KIAA1217: variants seen among roughly 807,000 people sequenced by gnomAD.
KIAA1217 encodes the protein sickle tail protein homolog.
A neutral mutation model predicts 163.9 loss-of-function variants in KIAA1217; 88 were observed. The observed-to-expected ratio is 0.54, with a 90% CI of 0.45 to 0.64. The LOEUF (loss-of-function observed/expected upper bound fraction) is 0.64, where lower values mean the gene tolerates loss of function less well. Among genes scored for constraint, KIAA1217 ranks in the 30% least tolerant of loss-of-function variants. KIAA1217 has a pLI of 0.00. For synonymous variants in KIAA1217, 903 were observed against 923.1 expected, an observed-to-expected ratio of 0.98 and a Z score of 0.39; for missense variants, 2,372 against 2,475.0, an observed-to-expected ratio of 0.96 and a Z score of 0.88.
chr10:24,445,694 T>C (rs1473057821), intron 5 of KIAA1217, among the ~76,000 whole-genome samples: 1 of 151,912 alleles, frequency 6.6e-6, no homozygotes, highest in Non-Finnish European at 1.5e-5. Context: ...TCCATGTCCC[T>C]ACAAAGGACA....
chr10:23,721,801 C>T (rs1837885073), intron 1 of KIAA1217, among the ~76,000 whole-genome samples: 1 of 152,042 alleles, frequency 6.6e-6, no homozygotes, highest in African/African-American at 2.4e-5. Flanking sequence ...ATGCCTGAAG[C>T]TCAGAAAGTG....
intron 2 of KIAA1217, among the ~76,000 whole-genome samples, chr10:24,037,640 T>C (rs1307408431): frequency 2.0e-5 from 3 of 152,196 alleles, no homozygotes; most frequent in African/African-American, 7.2e-5. Flanking sequence ...AGGAGACAGA[T>C]TGTCTATTCC....
intron 2 of KIAA1217, among the ~76,000 whole-genome samples, chr10:24,341,477 T>C (rs527677028): frequency 1.3e-5 from 2 of 152,356 alleles, no homozygotes; most frequent in South Asian, 2.1e-4. Context: ...TTTCTTTTCA[T>C]TGGAGACTTG....
intron 1 of KIAA1217, among the ~76,000 whole-genome samples, chr10:23,762,180 T>C (rs1395217713): frequency 6.6e-6 from 1 of 152,188 alleles, no homozygotes; most frequent in Non-Finnish European, 1.5e-5. Flanking sequence ...AGCTGAATTC[T>C]ACCAGAAATA....
At chr10:24,369,791 T>A (rs2051316865) in intron 2 of KIAA1217, among the ~76,000 whole-genome samples, 1 of 152,214 alleles carries the variant, frequency 6.6e-6, no homozygotes, top group Non-Finnish European at 1.5e-5. Context: ...TAAAGTGCAT[T>A]CCTGACTTTC....
At position 23,793,159 on chromosome 10, in the gene KIAA1217, G is replaced by A. The variant is rs966536764; in HGVS notation, c.-321+97925G>A. On this transcript the variant is annotated intron_variant, in intron 1 of 18. Coordinates refer to the KIAA1217 transcript ENST00000376462. The stretch of plus-strand genomic sequence containing the variant: ...TCTTCTATTGATTAGGAATGTGCGC[G>A]CTTCAGTCCCGTTCCTGTGTATGTT... Among the ~76,000 whole-genome samples, 16 of 152,136 alleles carry A rather than the reference G, an allele frequency of 1.1e-4. No individual in the cohort carries two copies. The South Asian group carries it at 2.5e-3, about 24-fold the overall frequency.
At chr10:24,122,154 C>A (rs1026474079) in intron 2 of KIAA1217, among the ~76,000 whole-genome samples, 3 of 152,032 alleles carry the variant, frequency 2.0e-5, no homozygotes, top group Non-Finnish European at 4.4e-5. Flanking sequence ...CCCTTCCCCC[C>A]ACCCTTTTGG....
At chr10:24,238,188 G>A (rs1012005098) in intron 2 of KIAA1217, among the ~76,000 whole-genome samples, 2 of 152,302 alleles carry the variant, frequency 1.3e-5, no homozygotes, top group Admixed American at 6.5e-5. Flanking sequence ...CATCTTGCTC[G>A]CGGCTGCCTC....
chr10:23,825,875 G>A (rs1032794718), intron 1 of KIAA1217, among the ~76,000 whole-genome samples: 1 of 152,146 alleles, frequency 6.6e-6, no homozygotes, highest in African/African-American at 2.4e-5. Flanking sequence ...GACACTCGGT[G>A]TTTTTATGGG....
At chr10:24,093,690 G>A (rs1253378381) in intron 2 of KIAA1217, among the ~76,000 whole-genome samples, 1 of 150,506 alleles carries the variant, frequency 6.6e-6, no homozygotes, top group Admixed American at 6.6e-5. Context: ...AGGGTACATG[G>A]GCACAATGTG....
At chr10:23,983,738 C>T (rs1772374298) in intron 1 of KIAA1217, among the ~76,000 whole-genome samples, 1 of 152,208 alleles carries the variant, frequency 6.6e-6, no homozygotes, top group South Asian at 2.1e-4. Context: ...TGACTGCAAA[C>T]ATTCACCCTG....
intron 2 of KIAA1217, among the ~76,000 whole-genome samples, chr10:24,047,327 A>T (rs1241864026): frequency 1.3e-5 from 2 of 152,166 alleles, no homozygotes; most frequent in Non-Finnish European, 2.9e-5. Context: ...CTCAAGTCTA[A>T]TTCTCTTCTG....
Position 24,052,986 on chromosome 10 carries a change from AC to A in KIAA1217, c.-171+45614del, listed in dbSNP as rs548791548. Among the ~76,000 whole-genome samples, 96 of 152,224 alleles carry A rather than the reference AC, an allele frequency of 6.3e-4. No individual in the cohort carries two copies. In the East Asian group the frequency reaches 0.011, roughly 18 times the overall value. On this transcript the variant is annotated intron_variant, in intron 2 of 18. Transcript: ENST00000376462. Reference sequence around the variant, plus strand: ...ATTTGGAAATCTAGACAAAAGAAGAACCTTCTTCCTGGTGACAGTGCTATAG... The same window carrying A: ...ATTTGGAAATCTAGACAAAAGAAGAACTTCTTCCTGGTGACAGTGCTATAG...
At chr10:23,751,404 G>T (rs184677333) in intron 1 of KIAA1217, among the ~76,000 whole-genome samples, 1 of 152,124 alleles carries the variant, frequency 6.6e-6, no homozygotes, top group Admixed American at 6.5e-5. Context: ...ATTCAATCAC[G>T]TATTTTAATA....
intron 1 of KIAA1217, among the ~76,000 whole-genome samples, chr10:23,863,289 T>C (rs1197033663): frequency 1.3e-5 from 2 of 152,234 alleles, no homozygotes; most frequent in African/African-American, 2.4e-5. Flanking sequence ...AGAATTGCTC[T>C]TCCTCCATTA....
chr10:23,882,534 G>A (rs11818030), intron 1 of KIAA1217, among the ~76,000 whole-genome samples: 2,557 of 151,966 alleles, frequency 0.017, 30 homozygotes, highest in South Asian at 0.04. Flanking sequence ...GTTTGAAATA[G>A]CACCTGGGAA....
chr10:23,880,427 G>GA (rs1840899479), intron 1 of KIAA1217, among the ~76,000 whole-genome samples: 1 of 151,924 alleles, frequency 6.6e-6, no homozygotes, highest in African/African-American at 2.4e-5. Flanking sequence ...AGATAGAGTA[G>GA]AAGGATGGTT....
intron 3 of KIAA1217, among the ~76,000 whole-genome samples, chr10:24,394,140 G>A (rs777120265): frequency 5.9e-5 from 9 of 151,996 alleles, no homozygotes; most frequent in African/African-American, 9.7e-5. Context: ...TTTTCTTTTC[G>A]GCGATTCTCA....
At chr10:24,520,627 CAA>C (rs71472812) in intron 11 of KIAA1217, among the ~76,000 whole-genome samples, 32 of 44,932 alleles carry the variant, frequency 7.1e-4, no homozygotes, top group South Asian at 4.1e-3. Flanking sequence ...ACATCTCTAC[CAA>C]AAAAAAAAAA....
Sources: gnomAD v4.1 joint callset for allele counts (sites outside exome capture counted in the v4.1 genomes callset) on GRCh38, gnomAD v4.1.1 for gene constraint, MANE v1.5 for transcripts, NCBI Gene and HGNC (gene_info 2026-07-23, HGNC 2026-07-21) for gene names.